Variants in FGD3 observed in about 807,000 individuals in gnomAD.
The protein encoded by FGD3 is FYVE, RhoGEF and PH domain containing 3, also known as FYVE, RhoGEF and PH domain-containing protein 3.
FGD3 carries 45 observed loss-of-function variants against 71.8 expected under a neutral mutation model. The ratio of observed to expected loss-of-function variants is 0.63; its 90% confidence interval spans 0.49 to 0.80. The LOEUF is 0.80. Among genes scored for constraint, FGD3 ranks in the 30% least tolerant of loss-of-function variants. The pLI, the probability that FGD3 is intolerant of heterozygous loss-of-function variation, is 0.00. For synonymous variants in FGD3, 378 were observed against 392.8 expected (o/e 0.96, Z 0.44); for missense variants, 844 against 951.5 (o/e 0.89, Z 1.49).
At chr9:92,959,613 G>T (rs10992554) in intron 1 of FGD3, among the ~76,000 whole-genome samples, 6,778 of 151,338 alleles carry the variant, frequency 0.045, 181 homozygotes, top group Middle Eastern at 0.075. Flanking sequence ...AGGCTGAGAT[G>T]GGAGGATCCC....
In FGD3 at chr9:93,035,546, G is replaced by C; in HGVS notation, c.2135G>C (p.Gly712Ala). 2 of 1,605,096 alleles carry C rather than the reference G, an allele frequency of 1.2e-6. No individual in the cohort carries two copies. The highest frequency in any genetic ancestry group is 1.1e-5 in the South Asian group (1 of 91,016). ...AHGDTAQDSP[G>A]ALQLQVPMGA... ...GGGGACACGGCCCAGGACAGCCCGG[G>C]GGCCCTGCAGCTTCAGGTCCCTATG... Residue 712 changes from glycine to alanine, a missense_variant, in exon 18 of 18, where the codon GGG (glycine) becomes GCG (alanine). Gly to Ala is a moderately conservative substitution (Grantham distance 60). Transcript: ENST00000375482.
Position 93,010,284 on chromosome 9 carries a change from C to A in FGD3, c.876C>A (p.His292Gln). The change falls in exon 7 of 18, where the codon CAC (histidine) becomes CAA (glutamine). Residue 292 changes from histidine to glutamine, a missense_variant. Coordinates refer to ENST00000375482, the MANE Select transcript of FGD3 (RefSeq NM_001083536.2). ...GCGGGAACCTGACGCTGCAGCACCACATGCTGGAGCCCGTGCAGAGGGTCC... is the reference window on the plus strand; with the variant it reads ...GCGGGAACCTGACGCTGCAGCACCAAATGCTGGAGCCCGTGCAGAGGGTCC... Reference protein sequence around the residue: ...EVCGNLTLQHHMLEPVQRVPR... With the variant: ...EVCGNLTLQHQMLEPVQRVPR... 9 of 1,613,326 alleles carry A rather than the reference C, an allele frequency of 5.6e-6. No individual in the cohort carries two copies. The highest frequency in any genetic ancestry group is 5.9e-6 in the Non-Finnish European group (7 of 1,179,424).
At chr9:92,955,562 C>G (rs957995903) in intron 1 of FGD3, among the ~76,000 whole-genome samples, 1 of 152,162 alleles carries the variant, frequency 6.6e-6, no homozygotes, top group Non-Finnish European at 1.5e-5. Flanking sequence ...TGTATAGACA[C>G]ATAAGAGATA....
chr9:93,029,444 G>C (rs759737018), intron 14 of FGD3, among the ~76,000 whole-genome samples: 3 of 152,208 alleles, frequency 2.0e-5, no homozygotes, highest in Non-Finnish European at 2.9e-5. Flanking sequence ...GCGGTGCCCA[G>C]TATAGAGCAG....
chr9:93,014,964 C>G (rs1240192008), intron 9 of FGD3, among the ~76,000 whole-genome samples: 1 of 150,834 alleles, frequency 6.6e-6, no homozygotes, highest in Non-Finnish European at 1.5e-5. Flanking sequence ...CCCCGCCCAC[C>G]CCCCCAGTTC....
chr9:93,022,145 G>A (rs1474997107), intron 13 of FGD3, among the ~76,000 whole-genome samples, 182 bp from the exon 14 acceptor site: 1 of 152,190 alleles, frequency 6.6e-6, no homozygotes, highest in African/African-American at 2.4e-5. Context: ...TCCAGCTCAG[G>A]CCAGGCCCAG....
intron 12 of FGD3, 126 bp from the exon 13 acceptor site, chr9:93,020,191 A>G: frequency 1.2e-6 from 1 of 828,336 alleles, no homozygotes; most frequent in Non-Finnish European, 1.9e-6. Context: ...GGAGATGGCC[A>G]GTGGCCTGGG....
chr9:93,016,018 C>T (rs935031462), intron 10 of FGD3, among the ~76,000 whole-genome samples, 189 bp downstream of exon 10: 5 of 152,162 alleles, frequency 3.3e-5, no homozygotes, highest in African/African-American at 7.2e-5. Context: ...GCTGGAAGGG[C>T]AGGATTCCAC....
At chr9:93,024,676 C>T (rs1261135275) in intron 14 of FGD3, among the ~76,000 whole-genome samples, 3 of 152,232 alleles carry the variant, frequency 2.0e-5, no homozygotes, top group African/African-American at 7.2e-5. Context: ...AGGCCACGTG[C>T]TGAGGGATGC....
At position 93,035,338 on chromosome 9, in the gene FGD3, G is replaced by C. The variant is rs199514676; in HGVS notation, c.1927G>C (p.Asp643His). 6.2e-7 allele frequency: 1 copy of C among 1,607,522 alleles called. No homozygotes were observed. The highest frequency in any genetic ancestry group is 1.3e-5 in the African/African-American group (1 of 74,782). ...CTGACCATCTGCTCCTCTGCTGCAG[G>C]ACGGCCGGCTGCCCCGCACCATCCC... Reference protein sequence around the residue: ...QVLHLQGGSQDGRLPRTIPLP... With the variant: ...QVLHLQGGSQHGRLPRTIPLP... The change falls in exon 18 of 18, where the codon GAC becomes CAC. Residue 643 changes from aspartate (D) to histidine (H), a missense_variant and splice_region_variant. Physicochemically the swap from Asp to His is moderately conservative, Grantham distance 81. Transcript: ENST00000375482.
At chr9:93,023,270 C>T (rs1286120780) in intron 14 of FGD3, among the ~76,000 whole-genome samples, 1 of 152,206 alleles carries the variant, frequency 6.6e-6, no homozygotes, top group Non-Finnish European at 1.5e-5. Flanking sequence ...TGGCTGCCCC[C>T]TCCCATGACC....
intron 3 of FGD3, among the ~76,000 whole-genome samples, chr9:92,977,152 A>G (rs1859791833): frequency 6.6e-6 from 1 of 152,118 alleles, no homozygotes. Context: ...GGCCAGCGTC[A>G]CCTATGGGGT....
rs1860943065 is a variant in FGD3 at position 93,003,722 on chromosome 9, G to T, written c.544-279G>T. On this transcript the variant is annotated intron_variant, in intron 4 of 17. Coordinates refer to ENST00000375482, the MANE Select transcript of FGD3 (RefSeq NM_001083536.2). The surrounding 1 kb of genome is among the most constrained non-coding windows in gnomAD (Gnocchi z 4.1). ...AAAGGAAGTCTGAACCTTCCATTTC[G>T]CATGAGAGGTGGCTGAGGAAAGATG... 6.6e-6 allele frequency among the ~76,000 whole-genome samples: 1 copy of T among 152,154 alleles called. No individual in the cohort carries two copies. The highest frequency in any genetic ancestry group is 1.5e-5 in the Non-Finnish European group (1 of 68,022).
At position 93,010,470 on chromosome 9, in the gene FGD3, G is replaced by A. The variant is rs559335519; in HGVS notation, c.976+86G>A. On this transcript the variant is annotated intron_variant, in intron 7 of 17. Coordinates refer to ENST00000375482, the MANE Select transcript of FGD3 (RefSeq NM_001083536.2). ...TGGGGAGAGAGGGAGAGAGAGAGTC[G>A]TGGGGTCATGGGGGTAGGGGAGAGA... 4.5e-4 allele frequency: 635 copies of A among 1,409,730 alleles called. 3 individuals carry two copies. The African/African-American group carries it at 7.7e-3, about 17-fold the overall frequency. 87.3% of individuals were successfully genotyped at this position (1,409,730 alleles called of 1,614,324 possible). A position where few individuals can be genotyped will look rare whatever the true frequency, so the allele number is the denominator to read the frequency against.
intron 3 of FGD3, among the ~76,000 whole-genome samples, chr9:92,992,194 T>C (rs1232821127): frequency 6.6e-6 from 1 of 152,230 alleles, no homozygotes; most frequent in African/African-American, 2.4e-5. Context: ...ATTTTATTGA[T>C]TGTGTTCTGG....
chr9:92,965,676 T>G (rs989178242), intron 1 of FGD3, among the ~76,000 whole-genome samples: 5 of 152,206 alleles, frequency 3.3e-5, no homozygotes. Context: ...AATGACCTTT[T>G]CCTGAGAAGC....
At chr9:92,964,150 G>A (rs1361829820) in intron 1 of FGD3, 1 of 152,262 alleles carries the variant, frequency 6.6e-6, no homozygotes, top group African/African-American at 2.4e-5. Context: ...TTGCATGTTT[G>A]TTTGCCATTG....
At chr9:92,993,231 G>C (rs1446017473) in intron 3 of FGD3, among the ~76,000 whole-genome samples, 5 of 152,090 alleles carry the variant, frequency 3.3e-5, no homozygotes, top group African/African-American at 1.2e-4. Context: ...TCCTGAGTAG[G>C]GGGGACTGTA....
intron 3 of FGD3, among the ~76,000 whole-genome samples, chr9:92,991,050 T>G (rs1329951725): frequency 6.6e-6 from 1 of 151,918 alleles, no homozygotes; most frequent in Non-Finnish European, 1.5e-5. Context: ...GGTCCTGGAC[T>G]TTTTTTGTTT....
Sources: allele counts gnomAD v4.1 joint callset (sites outside exome capture counted in the v4.1 genomes callset), GRCh38; gene constraint gnomAD v4.1.1; non-coding constraint Gnocchi (gnomAD v3.1); transcripts MANE v1.5; gene names NCBI Gene and HGNC (gene_info 2026-07-23, HGNC 2026-07-21).